The following SLC7A8 variants were observed in gnomAD, a reference collection of about 807,000 sequenced individuals.
SLC7A8 encodes the protein large neutral amino acids transporter small subunit 2.
In SLC7A8, 30 loss-of-function variants were observed where a neutral mutation model predicts 51.2. The ratio of observed to expected loss-of-function variants is 0.59; its 90% CI spans 0.44 to 0.80. The LOEUF is 0.80. Ranked by LOEUF, SLC7A8 falls within the 30% of genes least tolerant of loss-of-function variation. The pLI, the probability that SLC7A8 is intolerant of heterozygous loss-of-function variation, is 0.00. For missense variants in SLC7A8, 612 were observed against 674.4 expected (o/e 0.91, Z 1.03); for synonymous variants, 257 against 275.8 (o/e 0.93, Z 0.67).
At chr14:23,154,384 T>TGCCC in intron 3 of SLC7A8, 1 of 998,076 alleles carries the variant, frequency 1.0e-6, no homozygotes, top group Non-Finnish European at 1.2e-6. Context: ...TGGGTCTGGG[T>TGCCC]GCCCAGGCTG....
chr14:23,176,394 A>G (rs1482075795), intron 1 of SLC7A8, among the ~76,000 whole-genome samples: 1 of 152,084 alleles, frequency 6.6e-6, no homozygotes, highest in Non-Finnish European at 1.5e-5. Flanking sequence ...GTCTTCCTCC[A>G]TGGCCAACTG....
At chr14:23,141,930 T>C (rs978679630) in intron 4 of SLC7A8, among the ~76,000 whole-genome samples, 2 of 152,240 alleles carry the variant, frequency 1.3e-5, no homozygotes, top group Non-Finnish European at 1.5e-5. Context: ...CTTATTCATC[T>C]GCAGTTTAGC....
chr14:23,157,536 G>T (rs4982735), intron 3 of SLC7A8, among the ~76,000 whole-genome samples: 137,496 of 152,190 alleles, frequency 0.9, 63,028 homozygotes, highest in East Asian at 1. Flanking sequence ...GGCTTTTCAT[G>T]ATGGGGTCCT....
intron 3 of SLC7A8, among the ~76,000 whole-genome samples, chr14:23,152,654 A>T (rs1704007253): frequency 6.6e-6 from 1 of 152,090 alleles, no homozygotes; most frequent in Non-Finnish European, 1.5e-5. Flanking sequence ...GGCTCAAGTG[A>T]GCCACCTGCC....
rs1055224237 is a variant in SLC7A8 at position 23,139,481 on chromosome 14, G to A, written c.855C>T (p.Val285=). 10 of 1,614,016 alleles carry A rather than the reference G, an allele frequency of 6.2e-6. No homozygotes were observed. Among genetic ancestry groups the A allele is most frequent in the Middle Eastern group, 1.6e-4 (1 of 6,084 alleles). ...LVTFVYVFAN[V]AYVTAMSPQE... ...GGGGGGACATTGCAGTGACATAAGC[G>A]ACATTGGCAAAGACATACACAAATG... The change falls in exon 6 of 11, where the codon GTC becomes GTT. Residue 285 remains valine (V), a synonymous_variant. Transcript: ENST00000316902.
Position 23,165,307 on chromosome 14 carries a change from C to T in SLC7A8, c.486G>A (p.Arg162=). ...TACATAAGCAGATGGCAGCCAGGAG[C>T]CGAAGGCCAGACTCTGGGGGGAAGC... is the stretch of plus-strand genomic sequence containing the variant. ...PTCFPPESGL[R]LLAAICLLLL... The change falls in exon 3 of 11, where the codon CGG becomes CGA. Residue 162 remains arginine (R), a synonymous_variant. Transcript: ENST00000316902. This position sits in a 1 kb window ranked among gnomAD's most constrained non-coding sequence, Gnocchi z 4.2. The T allele has an allele frequency of 6.2e-7, 1 of 1,609,252 alleles. No individual in the cohort carries two copies. Among genetic ancestry groups the T allele is most frequent in the Non-Finnish European group, 8.5e-7 (1 of 1,177,852 alleles).
In SLC7A8 at chr14:23,131,444, GC is replaced by G; in HGVS notation, c.1113+16del. On this transcript the variant is annotated intron_variant, in intron 8 of 10. Coordinates refer to ENST00000316902, the MANE Select transcript of SLC7A8 (RefSeq NM_012244.4). ...AGAGGGAGGTGTGTGGAGAGTTACA[GC>G]AGGAAGGGCCCTTACTGTGAAGAGC... The G allele has an allele frequency of 6.4e-7, 1 of 1,556,596 alleles. No homozygotes were observed. The highest frequency in any genetic ancestry group is 1.9e-5 in the Admixed American group (1 of 51,312).
At chr14:23,127,868 C>A in intron 10 of SLC7A8, 151 bp downstream of exon 10, 1 of 685,176 alleles carries the variant, frequency 1.5e-6, no homozygotes, top group Non-Finnish European at 2.5e-6. Flanking sequence ...AAGGCATCTG[C>A]TTCCCCTGCT....
At chr14:23,134,297 C>T (rs1408323078) in intron 7 of SLC7A8, among the ~76,000 whole-genome samples, 8 of 151,196 alleles carry the variant, frequency 5.3e-5, no homozygotes, top group African/African-American at 1.9e-4. Context: ...ATTAGCCAGG[C>T]GTGGTAGAGC....
At chr14:23,151,997 G>A (rs1047651554) in intron 3 of SLC7A8, among the ~76,000 whole-genome samples, 3 of 151,872 alleles carry the variant, frequency 2.0e-5, no homozygotes, top group Non-Finnish European at 2.9e-5. Context: ...AGCCAAGATC[G>A]TGCCACTGCA....
chr14:23,170,866 T>C (rs1004051985), intron 1 of SLC7A8, among the ~76,000 whole-genome samples: 3 of 151,976 alleles, frequency 2.0e-5, no homozygotes, highest in Non-Finnish European at 4.4e-5. Flanking sequence ...GCTAGGACTA[T>C]GGGTGTGTGC....
intron 3 of SLC7A8, among the ~76,000 whole-genome samples, chr14:23,144,461 C>T (rs890765266): frequency 6.6e-6 from 1 of 150,426 alleles, no homozygotes; most frequent in African/African-American, 2.4e-5. Flanking sequence ...TATTTACCAT[C>T]CATTTACAAA....
chr14:23,160,512 A>T (rs1429293034), intron 3 of SLC7A8, among the ~76,000 whole-genome samples: 1 of 149,270 alleles, frequency 6.7e-6, no homozygotes, highest in Non-Finnish European at 1.5e-5. Flanking sequence ...CAGAGCTTGC[A>T]GTGAGCCGAG....
chr14:23,130,218 G>T, intron 8 of SLC7A8: 1 of 156,570 alleles, frequency 6.4e-6, no homozygotes, highest in Non-Finnish European at 1.4e-5. Context: ...CTGTATTCCT[G>T]CCCTCATCCT....
Position 23,165,298 on chromosome 14 carries a change from A to G in SLC7A8, c.495T>C (p.Ala165=), listed in dbSNP as rs142693800. The stretch of plus-strand genomic sequence containing the variant: ...GATGACACTTACATAAGCAGATGGC[A>G]GCCAGGAGCCGAAGGCCAGACTCTG... The part of the protein sequence containing the change: ...FPPESGLRLL[A]AICLLLLTWV... The change falls in exon 3 of 11, where the codon GCT becomes GCC. Residue 165 remains alanine, a synonymous_variant. Coordinates refer to ENST00000316902, the MANE Select transcript of SLC7A8 (RefSeq NM_012244.4). This position sits in a 1 kb window ranked among gnomAD's most constrained non-coding sequence, Gnocchi z 4.2. 2 of 1,609,668 alleles carry G rather than the reference A, an allele frequency of 1.2e-6. No homozygotes were observed. Among genetic ancestry groups the G allele is most frequent in the Non-Finnish European group, 1.7e-6 (2 of 1,178,050 alleles).
chr14:23,136,520 A>C (rs2140308133), intron 7 of SLC7A8, among the ~76,000 whole-genome samples: 1 of 152,344 alleles, frequency 6.6e-6, no homozygotes. Flanking sequence ...TTCAGGAAGG[A>C]TCATCCTCTC....
At position 23,128,377 on chromosome 14, in the gene SLC7A8, ATGT is replaced by A; in HGVS notation, c.1264-184_1264-182del. The A allele has an allele frequency of 1.3e-6, 2 of 1,524,300 alleles. No homozygotes were observed. Among genetic ancestry groups the A allele is most frequent in the Non-Finnish European group, 1.8e-6 (2 of 1,138,770 alleles). 94.4% of individuals were successfully genotyped at this position (1,524,300 alleles called of 1,614,324 possible). A position where few individuals can be genotyped will look rare whatever the true frequency, so the allele number is the denominator to read the frequency against. The stretch of plus-strand genomic sequence containing the variant: ...GGTAGGGCAGGGGCTATATAAACAA[ATGT>A]TGATGAACATGGTCGGTCAGACAGG... On this transcript the variant is annotated intron_variant, in intron 9 of 10. Transcript: ENST00000316902. The surrounding 1 kb of genome is among the most constrained non-coding windows in gnomAD (Gnocchi z 4.3).
chr14:23,156,755 AC>A (rs1358343948), intron 3 of SLC7A8, among the ~76,000 whole-genome samples: 2 of 151,268 alleles, frequency 1.3e-5, no homozygotes, highest in Non-Finnish European at 2.9e-5. Context: ...GTTTCAGGAA[AC>A]CTCAATCTCA....
chr14:23,176,099 C>T (rs2048997748), intron 1 of SLC7A8, among the ~76,000 whole-genome samples: 1 of 152,158 alleles, frequency 6.6e-6, no homozygotes, highest in Admixed American at 6.5e-5. Flanking sequence ...ACTCAAGAAG[C>T]AGTTTTCACA....
Sources: gnomAD v4.1 joint callset for allele counts (sites outside exome capture counted in the v4.1 genomes callset) on GRCh38, gnomAD v4.1.1 for gene constraint, Gnocchi (gnomAD v3.1) non-coding constraint, MANE v1.5 for transcripts, NCBI Gene and HGNC (gene_info 2026-07-23, HGNC 2026-07-21) for gene names.